The following VWDE variants were observed in gnomAD, a reference collection of about 807,000 sequenced individuals.
The protein encoded by VWDE is von Willebrand factor D and EGF domains.
In VWDE, 207 loss-of-function variants were observed where a neutral mutation model predicts 178.4. The ratio of observed to expected loss-of-function variants is 1.16; its 90% confidence interval spans 1.04 to 1.30. VWDE has a LOEUF of 1.30. Among genes scored for constraint, VWDE ranks in the 50% most tolerant of loss-of-function variants. The pLI is 0.00. For synonymous variants in VWDE, 738 were observed against 651.4 expected, an observed-to-expected ratio of 1.13 and a Z score of -2.02; for missense variants, 2,287 against 1,901.3, an observed-to-expected ratio of 1.20 and a Z score of -3.77.
At chr7:12,401,718 G>C (rs954624838) in intron 1 of VWDE, among the ~76,000 whole-genome samples, 1 of 152,086 alleles carries the variant, frequency 6.6e-6, no homozygotes, top group Non-Finnish European at 1.5e-5. Context: ...CAGCCACTTT[G>C]GAAAACATCC....
chr7:12,391,892 C>A (rs1396661904), intron 2 of VWDE, among the ~76,000 whole-genome samples: 1 of 152,052 alleles, frequency 6.6e-6, no homozygotes. Flanking sequence ...GTTGCATGAC[C>A]TCTAGGTTAA....
At chr7:12,391,608 T>C (rs1401161546) in intron 2 of VWDE, among the ~76,000 whole-genome samples, 1 of 152,206 alleles carries the variant, frequency 6.6e-6, no homozygotes, top group Admixed American at 6.5e-5. Flanking sequence ...TTCTGAATTT[T>C]TTTTAGTTCT....
intron 18 of VWDE, among the ~76,000 whole-genome samples, chr7:12,353,197 G>A (rs1176216169): frequency 1.3e-5 from 2 of 152,176 alleles, no homozygotes; most frequent in African/African-American, 4.8e-5. Flanking sequence ...AGACCAAAGT[G>A]ATCAAACTAG....
At chr7:12,367,242 A>T in intron 13 of VWDE, 115 bp downstream of exon 13, 1 of 748,310 alleles carries the variant, frequency 1.3e-6, no homozygotes, top group Non-Finnish European at 1.9e-6. Context: ...TCAGCTCTCT[A>T]GATATAATAT....
At position 12,331,159 on chromosome 7, in the gene VWDE, T is replaced by A; in HGVS notation, c.*24A>T. On this transcript the variant is annotated 3_prime_UTR_variant, in exon 29 of 29. Coordinates refer to ENST00000275358, the MANE Select transcript of VWDE (RefSeq NM_001135924.3). ...TATTTCCATTCTTAAGATACAGGCTTGTAATTCATATACTTGATGCTACTC... is the reference window on the plus strand; with the variant it reads ...TATTTCCATTCTTAAGATACAGGCTAGTAATTCATATACTTGATGCTACTC... 3 of 1,533,902 alleles carry A rather than the reference T, an allele frequency of 2.0e-6. No homozygotes were observed. The South Asian group carries it at 3.7e-5, about 19-fold the overall frequency.
Position 12,344,246 on chromosome 7 carries a change from G to T in VWDE, c.4027C>A (p.Pro1343Thr). 2 of 1,551,114 alleles carry T rather than the reference G, an allele frequency of 1.3e-6. No homozygotes were observed. Among genetic ancestry groups the T allele is most frequent in the Non-Finnish European group, 1.7e-6 (2 of 1,146,648 alleles). The change falls in exon 21 of 29, where the codon CCT becomes ACT. Residue 1343 changes from proline (P) to threonine (T), a missense_variant. Coordinates refer to ENST00000275358, the MANE Select transcript of VWDE (RefSeq NM_001135924.3). ...DCKNHGKCIK[P>T]NICQCLPGHG... Reference sequence around the variant, plus strand: ...CCTGGAAGACACTGACAAATGTTAGGCTTAATACATTTTCCATGGTTTTTG... The same window carrying T: ...CCTGGAAGACACTGACAAATGTTAGTCTTAATACATTTTCCATGGTTTTTG...
intron 1 of VWDE, among the ~76,000 whole-genome samples, chr7:12,401,245 A>G (rs1784879651): frequency 6.6e-6 from 1 of 152,144 alleles, no homozygotes. Context: ...AATAAATAAA[A>G]GATATCCAGA....
rs148456170 is a variant in VWDE at position 12,366,319 on chromosome 7, G to C, written c.2898+1038C>G. 3.0e-3 allele frequency among the ~76,000 whole-genome samples: 463 copies of C among 152,196 alleles called. 3 individuals carry two copies. Among genetic ancestry groups the C allele is most frequent in the African/African-American group, 0.01 (430 of 41,518 alleles). Reference sequence around the variant, plus strand: ...GCAGGAAGTGGCAGGTAGTATGAGAGTAAATCACAACAAACAATGCATCTG... The same window carrying C: ...GCAGGAAGTGGCAGGTAGTATGAGACTAAATCACAACAAACAATGCATCTG... On this transcript the variant is annotated intron_variant, in intron 13 of 28. Coordinates refer to ENST00000275358, the MANE Select transcript of VWDE (RefSeq NM_001135924.3).
At chr7:12,401,645 G>T (rs145294434) in intron 1 of VWDE, among the ~76,000 whole-genome samples, 3 of 152,244 alleles carry the variant, frequency 2.0e-5, no homozygotes, top group African/African-American at 7.2e-5. Flanking sequence ...TTAATAAAAA[G>T]TGTTGATGGA....
chr7:12,391,643 G>A (rs1483383746), intron 2 of VWDE, among the ~76,000 whole-genome samples: 5 of 151,994 alleles, frequency 3.3e-5, no homozygotes, highest in African/African-American at 9.7e-5. Context: ...TCACAAAAGC[G>A]ACTAATGAGC....
chr7:12,400,935 CATAG>C (rs1193940387), intron 1 of VWDE, among the ~76,000 whole-genome samples: 1 of 152,088 alleles, frequency 6.6e-6, no homozygotes, highest in East Asian at 1.9e-4. Flanking sequence ...TAATAAACCA[CATAG>C]ATAGCATAAA....
At position 12,361,485 on chromosome 7, in the gene VWDE, A is replaced by C. The variant is rs1294402817; in HGVS notation, c.2935T>G (p.Tyr979Asp). The C allele has an allele frequency of 4.5e-6, 7 of 1,550,800 alleles. No homozygotes were observed. In the East Asian group the frequency reaches 1.5e-4, roughly 33 times the overall value. Residue 979 changes from tyrosine (Y) to aspartate (D), a missense_variant, in exon 14 of 29, where the codon TAT (tyrosine) becomes GAT (aspartate). Tyr to Asp is a radical substitution (Grantham distance 160). Transcript: ENST00000275358. Reference sequence around the variant, plus strand: ...CTATTGTGGAAAACAGTCTGTGTATAGATGGGTTCTCCAGGCATCCATTCA... The same window carrying C: ...CTATTGTGGAAAACAGTCTGTGTATCGATGGGTTCTCCAGGCATCCATTCA... ...SSEWMPGEPI[Y>D]TQTVFHNSRA...
At chr7:12,346,196 G>C (rs1022604207) in intron 19 of VWDE, among the ~76,000 whole-genome samples, 2 of 152,046 alleles carry the variant, frequency 1.3e-5, no homozygotes, top group South Asian at 2.1e-4. Flanking sequence ...AAAAGTCAAA[G>C]TACAATAATT....
rs73052734 is a variant in VWDE at position 12,365,868 on chromosome 7, T to C, written c.2898+1489A>G. 9.3e-3 allele frequency among the ~76,000 whole-genome samples: 1,409 copies of C among 152,222 alleles called. 12 individuals are homozygous for C. The highest frequency in any genetic ancestry group is 0.054 in the Middle Eastern group (16 of 294). On this transcript the variant is annotated intron_variant, in intron 13 of 28. Transcript: ENST00000275358. ...TTGGGCAAGTGAACATCTTTCTTTC[T>C]ATAGTTTTTGATTTGGTTTGGCTCT...
In VWDE at chr7:12,370,482, G is replaced by A. The variant is rs981143947; in HGVS notation, c.1824C>T (p.Asp608=). 71 of 1,540,574 alleles carry A rather than the reference G, an allele frequency of 4.6e-5. No individual in the cohort carries two copies. The highest frequency in any genetic ancestry group is 5.9e-5 in the Non-Finnish European group (68 of 1,145,704). The change falls in exon 12 of 29, where the codon GAC becomes GAT. Residue 608 remains aspartate, a synonymous_variant. Coordinates refer to ENST00000275358, the MANE Select transcript of VWDE (RefSeq NM_001135924.3). ...GTGATGTCATAGAAACTGGCAGTGT[G>A]TCAGACATGCTTTTTCCTGGTAAAA... ...WRILPGKSMS[D]TLPVSMTSPG...
chr7:12,344,132 GT>G, intron 21 of VWDE, 62 bp downstream of exon 21: 1 of 1,402,220 alleles, frequency 7.1e-7, no homozygotes, highest in Admixed American at 2.1e-5. Flanking sequence ...TTGTAAAATG[GT>G]TTTTAAAGAA....
At chr7:12,379,684 A>C (rs1783733066) in intron 5 of VWDE, 118 bp from the exon 6 acceptor site, 3 of 609,786 alleles carry the variant, frequency 4.9e-6, no homozygotes, top group Non-Finnish European at 7.7e-6. Flanking sequence ...AGATAATAAA[A>C]GAATTAAATA....
chr7:12,336,137 T>A lies in VWDE; in HGVS notation c.4654+4A>T. The A allele has an allele frequency of 6.5e-7, 1 of 1,549,604 alleles. No homozygotes were observed. The highest frequency in any genetic ancestry group is 8.7e-7 in the Non-Finnish European group (1 of 1,145,932). ...ATAGTAGGAAAAACATCCTGTGGGC[T>A]TACGTATTTGACACCGCACTCCTTC... On this transcript the variant is annotated splice_donor_region_variant and intron_variant, in intron 27 of 28. Coordinates refer to ENST00000275358, the MANE Select transcript of VWDE (RefSeq NM_001135924.3).
At chr7:12,372,886 G>T in intron 10 of VWDE, 91 bp downstream of exon 10, 1 of 1,279,592 alleles carries the variant, frequency 7.8e-7, no homozygotes, top group Non-Finnish European at 1.1e-6. Flanking sequence ...ACAAACTAAT[G>T]TTGAAAAATG....
Sources: allele counts gnomAD v4.1 joint callset (sites outside exome capture counted in the v4.1 genomes callset), GRCh38; gene constraint gnomAD v4.1.1; transcripts MANE v1.5; gene names NCBI Gene and HGNC (gene_info 2026-07-23, HGNC 2026-07-21).